Variants in DMC1 observed in about 807,000 individuals in gnomAD.
DMC1 encodes the protein DNA meiotic recombinase 1.
DMC1 carries 27 observed loss-of-function variants against 50.1 expected under a neutral mutation model. That is an observed-to-expected ratio of 0.54 (90% CI 0.40 to 0.74). The LOEUF is 0.74. Among genes scored for constraint, DMC1 ranks in the 30% least tolerant of loss-of-function variants. DMC1 has a pLI of 0.00. For synonymous variants in DMC1, 148 were observed against 136.1 expected (o/e 1.09, Z -0.61); for missense variants, 295 against 420.2 (o/e 0.70, Z 2.60).
chr22:38,524,519 C>A (rs1196342091), intron 12 of DMC1, among the ~76,000 whole-genome samples: 1 of 152,148 alleles, frequency 6.6e-6, no homozygotes, highest in Non-Finnish European at 1.5e-5. Context: ...TTTCTGTCCA[C>A]CACCTATATA....
At chr22:38,524,381 C>T (rs141346916) in intron 12 of DMC1, among the ~76,000 whole-genome samples, 101 of 151,680 alleles carry the variant, frequency 6.7e-4, no homozygotes, top group African/African-American at 2.3e-3. Flanking sequence ...CACCGGTGGC[C>T]CTCCAGCCCA....
At chr22:38,549,717 T>G (rs1377880093) in intron 8 of DMC1, 1 of 532,030 alleles carries the variant, frequency 1.9e-6, no homozygotes, top group Non-Finnish European at 3.4e-6. Context: ...ATGTATTTGT[T>G]TTGTCTCATA....
At chr22:38,551,392 G>A (rs1203714661) in intron 7 of DMC1, among the ~76,000 whole-genome samples, 4 of 151,858 alleles carry the variant, frequency 2.6e-5, no homozygotes, top group East Asian at 3.9e-4. Context: ...ACAGTGGCAC[G>A]ATCTCGGCCC....
chr22:38,540,599 G>A (rs9917599), intron 8 of DMC1, among the ~76,000 whole-genome samples: 6,537 of 152,132 alleles, frequency 0.043, 241 homozygotes, highest in East Asian at 0.11. Context: ...ATAAGTAACT[G>A]TAAATCAAGG....
At chr22:38,550,927 T>A (rs1287995977) in intron 7 of DMC1, among the ~76,000 whole-genome samples, 1 of 58,278 alleles carries the variant, frequency 1.7e-5, no homozygotes, top group Non-Finnish European at 2.9e-5. Context: ...CAAGACTCCA[T>A]CTCAAAAAAA....
intron 12 of DMC1, among the ~76,000 whole-genome samples, chr22:38,524,273 G>A (rs2090062551): frequency 6.6e-6 from 1 of 152,086 alleles, no homozygotes; most frequent in Non-Finnish European, 1.5e-5. Flanking sequence ...AATTAGCTGG[G>A]TGTGGTGGCG....
chr22:38,563,401 C>T (rs2090548555), intron 4 of DMC1, among the ~76,000 whole-genome samples: 1 of 152,158 alleles, frequency 6.6e-6, no homozygotes, highest in Non-Finnish European at 1.5e-5. Flanking sequence ...TCCTATCCTA[C>T]TTGAGTGAGC....
chr22:38,554,207 T>C (rs2090445059), intron 6 of DMC1, among the ~76,000 whole-genome samples: 1 of 151,960 alleles, frequency 6.6e-6, no homozygotes, highest in East Asian at 1.9e-4. Context: ...CCTACTGAAC[T>C]GAGGTCCTTA....
rs1262131832 is a variant in DMC1, at chr22:38,519,063, G to C, written c.*957C>G. The C allele has an allele frequency of 7.2e-6, 1 of 138,082 alleles. No homozygotes were observed. Among genetic ancestry groups the C allele is most frequent in the East Asian group, 2.1e-4 (1 of 4,784 alleles). 8.6% of individuals were successfully genotyped at this position (138,082 alleles called of 1,614,324 possible). ...AAATTAATTTTAACATTTTAAAAAA[G>C]TTTTTTTTTTTTTTTTGAGACGGAG... On this transcript the variant is annotated 3_prime_UTR_variant, in exon 14 of 14. Transcript: ENST00000216024.
intron 7 of DMC1, among the ~76,000 whole-genome samples, chr22:38,550,390 T>G (rs1694405132): frequency 6.7e-6 from 1 of 149,234 alleles, no homozygotes; most frequent in Non-Finnish European, 1.5e-5. Flanking sequence ...CTCAGCTCAC[T>G]GCAATCTCCG....
the DMC1 span, among the ~76,000 whole-genome samples, chr22:38,512,215 T>G: frequency 6.6e-6 from 1 of 152,136 alleles, no homozygotes; most frequent in South Asian, 2.1e-4. Context: ...CCTAAAGTGA[T>G]CCACCTGCCT....
intron 9 of DMC1, 52 bp downstream of exon 9, chr22:38,539,269 A>T: frequency 1.6e-6 from 2 of 1,287,324 alleles, no homozygotes; most frequent in South Asian, 2.4e-5. Context: ...GTAGTAAATC[A>T]GTGCTGCCAA....
chr22:38,547,194 C>A (rs1019425282), intron 8 of DMC1, among the ~76,000 whole-genome samples: 1 of 151,916 alleles, frequency 6.6e-6, no homozygotes, highest in Non-Finnish European at 1.5e-5. Context: ...CCACACCTGG[C>A]TAATTTAAAA....
the DMC1 span, among the ~76,000 whole-genome samples, chr22:38,512,872 T>TC: frequency 6.6e-6 from 1 of 152,080 alleles, no homozygotes; most frequent in Non-Finnish European, 1.5e-5. Context: ...TCACCTGAGG[T>TC]CAGGAGTTCA....
At chr22:38,537,774 T>C (rs2145861313) in intron 11 of DMC1, 122 bp from the exon 12 acceptor site, 1 of 692,044 alleles carries the variant, frequency 1.4e-6, no homozygotes. Context: ...AATAACATCA[T>C]ATTCCTATTT....
At chr22:38,550,705 T>C (rs1602750877) in intron 7 of DMC1, among the ~76,000 whole-genome samples, 2 of 147,536 alleles carry the variant, frequency 1.4e-5, no homozygotes, top group East Asian at 4.1e-4. Context: ...CCAAGGTGGG[T>C]GGATCATTTG....
downstream of DMC1, among the ~76,000 whole-genome samples, chr22:38,515,056 T>C (rs1345070590): frequency 6.7e-6 from 1 of 150,218 alleles, no homozygotes; most frequent in African/African-American, 2.4e-5. Context: ...TTAGTAGAGA[T>C]GGGGTTTCAC....
intron 8 of DMC1, among the ~76,000 whole-genome samples, chr22:38,548,958 T>C (rs1264184638): frequency 2.0e-5 from 3 of 152,230 alleles, no homozygotes; most frequent in Non-Finnish European, 4.4e-5. Flanking sequence ...TCCTAGTATC[T>C]AGACAAAAAA....
At position 38,566,670 on chromosome 22, in the gene DMC1, T is replaced by C; in HGVS notation, c.163A>G (p.Thr55Ala). The C allele has an allele frequency of 6.2e-7, 1 of 1,613,854 alleles. No homozygotes were observed. The highest frequency in any genetic ancestry group is 8.5e-7 in the Non-Finnish European group (1 of 1,179,670). Residue 55 changes from threonine (T) to alanine (A), a missense_variant, in exon 4 of 14, where the codon ACA (threonine) becomes GCA (alanine). Physicochemically the swap from Thr to Ala is moderately conservative, Grantham distance 58. Transcript: ENST00000216024. ...TTGACATTGCATAGAGCTCTTCTTG[T>C]TGTCATCTGTATACCTTTGATGGTA... Reference protein sequence around the residue: ...ICTIKGIQMTTRRALCNVKGL... With the variant: ...ICTIKGIQMTARRALCNVKGL...
Sources: allele counts gnomAD v4.1 joint callset (sites outside exome capture counted in the v4.1 genomes callset), GRCh38; gene constraint gnomAD v4.1.1; transcripts MANE v1.5; gene names NCBI Gene and HGNC (gene_info 2026-07-23, HGNC 2026-07-21).